FAM120A: variants seen among roughly 807,000 people sequenced by gnomAD.
FAM120A encodes family with sequence similarity 120 member A.
In FAM120A, 15 loss-of-function variants were observed where a neutral mutation model predicts 109.7. The observed-to-expected ratio is 0.14, with a 90% CI of 0.09 to 0.21. FAM120A has a LOEUF of 0.21. FAM120A is among the 10% of genes least tolerant of loss of function. The probability of loss-of-function intolerance (pLI) is 1.00; values close to 1 mark genes in which losing one functional copy is unlikely to be tolerated. For missense variants in FAM120A, 899 were observed against 1,439.3 expected, an observed-to-expected ratio of 0.62 and a Z score of 6.07; for synonymous variants, 493 against 572.8, an observed-to-expected ratio of 0.86 and a Z score of 1.99.
At chr9:93,560,198 G>A (rs545593693) in intron 15 of FAM120A, among the ~76,000 whole-genome samples, 3 of 152,264 alleles carry the variant, frequency 2.0e-5, no homozygotes, top group Admixed American at 2.0e-4. Flanking sequence ...AGGAGGCTGA[G>A]GCGGGAGGAT....
intron 7 of FAM120A, among the ~76,000 whole-genome samples, chr9:93,518,821 C>T (rs913716801): frequency 6.6e-6 from 1 of 152,242 alleles, no homozygotes; most frequent in Non-Finnish European, 1.5e-5. Context: ...CCACGGGAAA[C>T]ATCTAGAGCA....
intron 1 of FAM120A, among the ~76,000 whole-genome samples, chr9:93,469,833 T>C (rs1858230485): frequency 6.6e-6 from 1 of 152,196 alleles, no homozygotes; most frequent in African/African-American, 2.4e-5. Flanking sequence ...AAGGTTTGCT[T>C]TGCCTCTCAG....
At chr9:93,504,121 T>G (rs1002125510) in intron 5 of FAM120A, among the ~76,000 whole-genome samples, 7 of 152,020 alleles carry the variant, frequency 4.6e-5, no homozygotes, top group Non-Finnish European at 1.0e-4. Context: ...TCTAGCAAGG[T>G]GCCAATATGG....
intron 3 of FAM120A, among the ~76,000 whole-genome samples, chr9:93,493,098 C>T (rs934388982): frequency 6.6e-6 from 1 of 152,164 alleles, no homozygotes; most frequent in Non-Finnish European, 1.5e-5. Context: ...TATGCAAGGC[C>T]CAGGCTCTCC....
intron 3 of FAM120A, among the ~76,000 whole-genome samples, chr9:93,484,837 A>G (rs552958924): frequency 6.6e-6 from 1 of 152,290 alleles, no homozygotes; most frequent in African/African-American, 2.4e-5. Flanking sequence ...GCCTCCCCAA[A>G]GTGCTGGGAT....
intron 2 of FAM120A, among the ~76,000 whole-genome samples, chr9:93,475,235 C>T (rs1405453069): frequency 6.6e-6 from 1 of 152,124 alleles, no homozygotes; most frequent in African/African-American, 2.4e-5. Context: ...GTGCAGGAAA[C>T]AACATTTTGA....
At chr9:93,529,077 G>T (rs1351684499) in intron 8 of FAM120A, among the ~76,000 whole-genome samples, 2 of 152,192 alleles carry the variant, frequency 1.3e-5, no homozygotes, top group African/African-American at 4.8e-5. Flanking sequence ...AGGGACTGCA[G>T]GGTGACACAG....
intron 5 of FAM120A, among the ~76,000 whole-genome samples, chr9:93,508,359 C>T (rs1860158347): frequency 6.6e-6 from 1 of 152,104 alleles, no homozygotes; most frequent in Non-Finnish European, 1.5e-5. Flanking sequence ...GGGAAGGGCC[C>T]CGTGGTGTGT....
intron 3 of FAM120A, among the ~76,000 whole-genome samples, chr9:93,476,917 A>G (rs1275473213): frequency 6.6e-6 from 1 of 152,150 alleles, no homozygotes; most frequent in African/African-American, 2.4e-5. Flanking sequence ...CTGCAGTGGA[A>G]GTGTCTGTGT....
intron 5 of FAM120A, 118 bp downstream of exon 5, chr9:93,499,004 C>G (rs1021948946): frequency 1.1e-5 from 8 of 759,038 alleles, no homozygotes; most frequent in Non-Finnish European, 1.8e-5. Flanking sequence ...TGTAGTTATG[C>G]CAGTAAGTAT....
At position 93,496,264 on chromosome 9, in the gene FAM120A, G is replaced by A. The variant is rs117624232; in HGVS notation, c.805-1207G>A. ...ATTTTGACATCCTCCCATGAATCAT[G>A]AATGGTCTTAATGGCATTCACTTAC... On this transcript the variant is annotated intron_variant, in intron 3 of 17. Coordinates refer to ENST00000277165, the MANE Select transcript of FAM120A (RefSeq NM_014612.5). Among the ~76,000 whole-genome samples, 834 of 152,364 alleles carry A rather than the reference G, an allele frequency of 5.5e-3. 6 individuals carry two copies. Among genetic ancestry groups the A allele is most frequent in the Middle Eastern group, 0.017 (5 of 294 alleles).
chr9:93,516,282 T>G lies in FAM120A; in HGVS notation c.1418+13T>G, dbSNP rs753245467. 41 of 1,602,250 alleles carry G rather than the reference T, an allele frequency of 2.6e-5. No individual in the cohort carries two copies. The highest frequency in any genetic ancestry group is 3.3e-5 in the Non-Finnish European group (39 of 1,171,890). On this transcript the variant is annotated intron_variant, in intron 7 of 17. Coordinates refer to ENST00000277165, the MANE Select transcript of FAM120A (RefSeq NM_014612.5). ...GAGGGGCGACAAAGTGAGTGGTGCG[T>G]GGGTCGCTGGGTGCTTCCTGGCGGG...
chr9:93,526,115 G>A (rs1861070255), intron 7 of FAM120A, among the ~76,000 whole-genome samples: 1 of 152,218 alleles, frequency 6.6e-6, no homozygotes, highest in South Asian at 2.1e-4. Flanking sequence ...GTTTTCAGAA[G>A]GTAGTTTGGG....
At chr9:93,552,194 T>G (rs1862125093) in intron 12 of FAM120A, among the ~76,000 whole-genome samples, 1 of 152,254 alleles carries the variant, frequency 6.6e-6, no homozygotes, top group Non-Finnish European at 1.5e-5. Flanking sequence ...ACCATCAAGT[T>G]ACTTTTACTC....
intron 1 of FAM120A, among the ~76,000 whole-genome samples, chr9:93,454,035 T>G (rs1857430942): frequency 6.6e-6 from 1 of 152,228 alleles, no homozygotes; most frequent in Non-Finnish European, 1.5e-5. Flanking sequence ...TGTTGAGTTC[T>G]TTTTAATTCT....
At chr9:93,528,054 G>T (rs895562891) in intron 8 of FAM120A, among the ~76,000 whole-genome samples, 2 of 152,190 alleles carry the variant, frequency 1.3e-5, no homozygotes, top group Non-Finnish European at 2.9e-5. Flanking sequence ...GGTTTTGGTG[G>T]TTAATATGCA....
At chr9:93,469,963 A>C (rs1858236902) in intron 1 of FAM120A, among the ~76,000 whole-genome samples, 1 of 152,150 alleles carries the variant, frequency 6.6e-6, no homozygotes, top group Middle Eastern at 3.2e-3. Context: ...ACGTAGTGAG[A>C]ATGTTCTGTG....
rs2131348957 is a variant in FAM120A at position 93,497,610 on chromosome 9, A to T, written c.933+11A>T. 6.3e-7 allele frequency: 1 copy of T among 1,590,964 alleles called. No individual in the cohort carries two copies. ...TTCCAGCATTCACAGGTAAAAAAAA[A>T]AACAAACAAAACAAAAAAACAGATT... On this transcript the variant is annotated intron_variant, in intron 4 of 17. Coordinates refer to ENST00000277165, the MANE Select transcript of FAM120A (RefSeq NM_014612.5).
chr9:93,555,446 T>C (rs1287421579), intron 12 of FAM120A, among the ~76,000 whole-genome samples: 2 of 152,230 alleles, frequency 1.3e-5, no homozygotes, highest in East Asian at 3.8e-4. Context: ...TTCTCTTTAA[T>C]GAAAAGCCCC....
Sources: allele counts gnomAD v4.1 joint callset (sites outside exome capture counted in the v4.1 genomes callset), GRCh38; gene constraint gnomAD v4.1.1; transcripts MANE v1.5; gene names NCBI Gene and HGNC (gene_info 2026-07-23, HGNC 2026-07-21).